Variants in ZCCHC14 observed in about 807,000 individuals in gnomAD.
ZCCHC14 encodes the protein zinc finger CCHC domain-containing protein 14.
ZCCHC14 carries 16 observed loss-of-function variants against 85.0 expected under a neutral mutation model. The observed-to-expected ratio is 0.19, with a 90% CI of 0.13 to 0.29. The LOEUF (loss-of-function observed/expected upper bound fraction) is 0.29, where lower values mean the gene tolerates loss of function less well. Among genes scored for constraint, ZCCHC14 ranks in the 10% least tolerant of loss-of-function variants. The probability of loss-of-function intolerance (pLI) is 1.00; values close to 1 mark genes in which losing one functional copy is unlikely to be tolerated. For missense variants in ZCCHC14, 1,303 were observed against 1,443.5 expected (o/e 0.90, Z 1.58); for synonymous variants, 775 against 630.7 (o/e 1.23, Z -3.43).
chr16:87,435,527 T>TCC (rs1909879720), intron 2 of ZCCHC14, among the ~76,000 whole-genome samples: 1 of 152,196 alleles, frequency 6.6e-6, no homozygotes, highest in Admixed American at 6.5e-5. Flanking sequence ...CGACACTGAC[T>TCC]CCCTGTATCT....
In ZCCHC14 at chr16:87,412,417, G is replaced by A. The variant is rs1343391889; in HGVS notation, c.2304C>T (p.His768=). ...GCAGTTTGATGGGCGGACGGGCGGC[G>A]TGGAGGACTGTGCTGGGCGTCCCCG... ...AATGTPSTVL[H]AARPPIKLLL... Residue 768 remains histidine (H), a synonymous_variant, in exon 12 of 13, where the codon CAC becomes CAT. Transcript: ENST00000671377. 17 of 1,614,160 alleles carry A rather than the reference G, an allele frequency of 1.1e-5. No homozygotes were observed. The highest frequency in any genetic ancestry group is 4.0e-5 in the African/African-American group (3 of 75,050).
intron 2 of ZCCHC14, among the ~76,000 whole-genome samples, chr16:87,455,502 G>T (rs965290309): frequency 2.6e-5 from 4 of 152,160 alleles, no homozygotes; most frequent in African/African-American, 9.7e-5. Flanking sequence ...CATAGAGGGC[G>T]CAAAGTCCTA....
chr16:87,456,261 T>C (rs990558963), intron 2 of ZCCHC14, among the ~76,000 whole-genome samples: 4 of 152,162 alleles, frequency 2.6e-5, no homozygotes, highest in Admixed American at 2.6e-4. Context: ...CTGGGCGCAG[T>C]GGCTCACGCC....
Position 87,491,107 on chromosome 16 carries a change from G to T in ZCCHC14, c.570+562C>A, listed in dbSNP as rs753551669. On this transcript the variant is annotated intron_variant, in intron 1 of 12. Transcript: ENST00000671377. The surrounding 1 kb of genome is among the most constrained non-coding windows in gnomAD (Gnocchi z 5.9). ...AATGTGTGTTATCTGTCACCCAAGG[G>T]CCCCATTAAGGGGACAAAGGCCTTA... 6.6e-6 allele frequency among the ~76,000 whole-genome samples: 1 copy of T among 152,254 alleles called. No homozygotes were observed. Among genetic ancestry groups the T allele is most frequent in the Non-Finnish European group, 1.5e-5 (1 of 68,046 alleles).
chr16:87,421,084 G>T (rs924040312), intron 4 of ZCCHC14, among the ~76,000 whole-genome samples: 2 of 152,260 alleles, frequency 1.3e-5, no homozygotes, highest in Non-Finnish European at 2.9e-5. Context: ...GGAGAGACAG[G>T]TTCCGATGGA....
chr16:87,457,688 G>A lies in ZCCHC14; in HGVS notation c.694+2320C>T, dbSNP rs565320352. ...CAGAGAAAAACCAAAACAGAAGTAGGATACAGAAAAGACAGAGAGAAAACT... is the reference window on the plus strand; with the variant it reads ...CAGAGAAAAACCAAAACAGAAGTAGAATACAGAAAAGACAGAGAGAAAACT... On this transcript the variant is annotated intron_variant, in intron 2 of 12. Coordinates refer to ENST00000671377, the MANE Select transcript of ZCCHC14 (RefSeq NM_015144.3). Among the ~76,000 whole-genome samples, 6 of 152,232 alleles carry A rather than the reference G, an allele frequency of 3.9e-5. No individual in the cohort carries two copies. In the South Asian group the frequency reaches 8.3e-4, roughly 21 times the overall value.
chr16:87,429,605 A>C (rs1040155562), intron 3 of ZCCHC14, among the ~76,000 whole-genome samples: 6 of 151,962 alleles, frequency 3.9e-5, no homozygotes, highest in Admixed American at 1.3e-4. Flanking sequence ...ACAGAAGGAG[A>C]CACTATCTCT....
At chr16:87,445,988 G>A (rs185879316) in intron 2 of ZCCHC14, among the ~76,000 whole-genome samples, 6 of 151,872 alleles carry the variant, frequency 4.0e-5, no homozygotes, top group African/African-American at 1.2e-4. Context: ...TCCAAACATC[G>A]ACAGTATTTT....
In ZCCHC14 at chr16:87,412,420, G is replaced by A. The variant is rs776255522; in HGVS notation, c.2301C>T (p.Leu767=). The A allele has an allele frequency of 2.5e-6, 4 of 1,614,030 alleles. No homozygotes were observed. In the African/African-American group the frequency reaches 4.0e-5, roughly 16 times the overall value. ...TAATGTPSTV[L]HAARPPIKLL... Reference sequence around the variant, plus strand: ...GTTTGATGGGCGGACGGGCGGCGTGGAGGACTGTGCTGGGCGTCCCCGTGG... The same window carrying A: ...GTTTGATGGGCGGACGGGCGGCGTGAAGGACTGTGCTGGGCGTCCCCGTGG... The change falls in exon 12 of 13, where the codon CTC becomes CTT. Residue 767 remains leucine, a synonymous_variant. Transcript: ENST00000671377.
At position 87,492,657 on chromosome 16, in the gene ZCCHC14, A is replaced by T. The variant is rs1234329248; in HGVS notation, c.-419T>A. On this transcript the variant is annotated 5_prime_UTR_variant, in exon 1 of 13. Coordinates refer to ENST00000671377, the MANE Select transcript of ZCCHC14 (RefSeq NM_015144.3). This position sits in a 1 kb window ranked among gnomAD's most constrained non-coding sequence, Gnocchi z 6.7. ...CCGCCCCCATCTCCCCCCGCGCCGC[A>T]GGGTCTGTCACTGCGGGCCGCCCCC... 7 of 143,046 alleles carry T rather than the reference A, an allele frequency of 4.9e-5. No individual in the cohort carries two copies. Among genetic ancestry groups the T allele is most frequent in the African/African-American group, 7.6e-5 (3 of 39,320 alleles). The allele number at this position is 143,046 out of a possible 1,614,324, so 8.9% of individuals were successfully genotyped here.
chr16:87,428,936 T>A (rs1321288462), intron 3 of ZCCHC14, among the ~76,000 whole-genome samples: 2 of 152,206 alleles, frequency 1.3e-5, no homozygotes, highest in African/African-American at 4.8e-5. Flanking sequence ...AACACCAGGG[T>A]TGGCCTGTCC....
intron 1 of ZCCHC14, among the ~76,000 whole-genome samples, chr16:87,481,502 T>C (rs1912264336): frequency 9.6e-6 from 1 of 103,630 alleles, no homozygotes; most frequent in South Asian, 3.4e-4. Context: ...GTGAGCACCA[T>C]GGCAAGTGTG....
chr16:87,433,764 C>A (rs923839599), intron 2 of ZCCHC14, among the ~76,000 whole-genome samples: 1 of 152,062 alleles, frequency 6.6e-6, no homozygotes, highest in Admixed American at 6.5e-5. Flanking sequence ...GCCTCGGCCT[C>A]CCCAGTAGCT....
At chr16:87,413,462 A>G (rs1049596951) in intron 10 of ZCCHC14, among the ~76,000 whole-genome samples, 2 of 151,724 alleles carry the variant, frequency 1.3e-5, no homozygotes, top group Non-Finnish European at 2.9e-5. Context: ...GGGCACCCCC[A>G]GCGCACCCCC....
chr16:87,422,763 T>C (rs1002649368), intron 4 of ZCCHC14, among the ~76,000 whole-genome samples: 1 of 150,690 alleles, frequency 6.6e-6, no homozygotes, highest in Non-Finnish European at 1.5e-5. Context: ...AACAAAACAC[T>C]GAGACAAAAG....
rs866763208 is a variant in ZCCHC14, at chr16:87,492,424, G to C, written c.-186C>G. On this transcript the variant is annotated 5_prime_UTR_variant, in exon 1 of 13. Transcript: ENST00000671377. The surrounding 1 kb of genome is among the most constrained non-coding windows in gnomAD (Gnocchi z 6.7). ...GGGCGGGGGCGGGGACCGGGGCCGG[G>C]CAAGGCTCCCGTCAGGGGCCGGCGG... The C allele has an allele frequency of 6.9e-6, 1 of 144,968 alleles. No homozygotes were observed. The highest frequency in any genetic ancestry group is 6.8e-5 in the Admixed American group (1 of 14,660). 9.0% of individuals were successfully genotyped at this position (144,968 alleles called of 1,614,324 possible).
chr16:87,423,864 A>T lies in ZCCHC14; in HGVS notation c.786T>A (p.Ser262=). 6.2e-7 allele frequency: 1 copy of T among 1,614,172 alleles called. No homozygotes were observed. The highest frequency in any genetic ancestry group is 8.5e-7 in the Non-Finnish European group (1 of 1,180,004). ...AAGATTTGGTTACTGATGTTATTGA[A>T]GAATCAGACCACAAGACCTTAAAAA... The part of the protein sequence containing the change: ...ECSFEVLWSD[S]SITSVTKSSS... Residue 262 remains serine (S), a synonymous_variant, in exon 4 of 13, where the codon TCT becomes TCA. Transcript: ENST00000671377.
intron 1 of ZCCHC14, among the ~76,000 whole-genome samples, chr16:87,490,884 A>T (rs975997782): frequency 4.6e-5 from 7 of 152,220 alleles, no homozygotes; most frequent in Non-Finnish European, 1.0e-4. Flanking sequence ...AAATGAGCTC[A>T]CACGGACAGC....
chr16:87,489,457 A>G (rs1912653550), intron 1 of ZCCHC14, among the ~76,000 whole-genome samples: 1 of 152,242 alleles, frequency 6.6e-6, no homozygotes. Flanking sequence ...GCAAACCTCT[A>G]TAAAAAGGAA....
Sources: gnomAD v4.1 joint callset for allele counts (sites outside exome capture counted in the v4.1 genomes callset) on GRCh38, gnomAD v4.1.1 for gene constraint, Gnocchi (gnomAD v3.1) non-coding constraint, MANE v1.5 for transcripts, NCBI Gene and HGNC (gene_info 2026-07-23, HGNC 2026-07-21) for gene names.